The following TBC1D24 variants were observed in gnomAD, a reference collection of about 807,000 sequenced individuals.
The protein encoded by TBC1D24 is TBC1 domain family member 24, also known as Infantile myoclonic epilepsy.
In TBC1D24, 47 loss-of-function variants were observed where a neutral mutation model predicts 50.7. The observed-to-expected ratio is 0.93, with a 90% CI of 0.73 to 1.18. The LOEUF is 1.18. Ranked by LOEUF, TBC1D24 falls within the 50% of genes most tolerant of loss-of-function variation. The pLI is 0.00. For synonymous variants in TBC1D24, 324 were observed against 335.2 expected (o/e 0.97, Z 0.36); for missense variants, 688 against 766.5 (o/e 0.90, Z 1.21).
rs1596956387 is a variant in TBC1D24, at chr16:2,483,763, G to A, written c.-116+8593G>A. The A allele has an allele frequency of 6.5e-6, 1 of 152,998 alleles. No homozygotes were observed. Among genetic ancestry groups the A allele is most frequent in the East Asian group, 1.9e-4 (1 of 5,214 alleles). 9.5% of individuals were successfully genotyped at this position (152,998 alleles called of 1,614,324 possible). A position where few individuals can be genotyped will look rare whatever the true frequency, so the allele number is the denominator to read the frequency against. On this transcript the variant is annotated intron_variant, in intron 1 of 7. Transcript: ENST00000646147. The surrounding 1 kb of genome is among the most constrained non-coding windows in gnomAD (Gnocchi z 4.0). ...CCGGCTGCTGCTCGGCCCAGAGGAG[G>A]AAGGGTACGTTCGGGAGAGGATGAA...
At chr16:2,497,816 G>GCTCTC in intron 3 of TBC1D24, 89 bp downstream of exon 3, 1 of 1,320,846 alleles carries the variant, frequency 7.6e-7, no homozygotes, top group Non-Finnish European at 1.1e-6. Context: ...TCTCAGGGCT[G>GCTCTC]CTCTCGTGGG....
Position 2,496,038 on chromosome 16 carries a change from T to G in TBC1D24, c.-111T>G. On this transcript the variant is annotated 5_prime_UTR_variant, in exon 2 of 8. Coordinates refer to ENST00000646147, the MANE Select transcript of TBC1D24 (RefSeq NM_001199107.2). ...AGTGTTTTTTTAATCCTGCAGGGTGTGAGATGGCAGACAGGTTTGCAGGAA... is the reference window on the plus strand; with the variant it reads ...AGTGTTTTTTTAATCCTGCAGGGTGGGAGATGGCAGACAGGTTTGCAGGAA... The G allele has an allele frequency of 8.7e-6, 12 of 1,383,050 alleles. No individual in the cohort carries two copies. Among genetic ancestry groups the G allele is most frequent in the Non-Finnish European group, 1.2e-5 (12 of 993,318 alleles). 85.7% of individuals were successfully genotyped at this position (1,383,050 alleles called of 1,614,324 possible).
chr16:2,494,386 C>T (rs112913264), intron 1 of TBC1D24, among the ~76,000 whole-genome samples: 9,075 of 149,706 alleles, frequency 0.061, 376 homozygotes, highest in Non-Finnish European at 0.095. Context: ...CACTCCAGCC[C>T]GTGCGACAGT....
intron 1 of TBC1D24, chr16:2,484,589 G>C (rs527967304): frequency 1.3e-5 from 2 of 152,452 alleles, no homozygotes; most frequent in East Asian, 3.9e-4. Flanking sequence ...GCTCTTCCTA[G>C]CTCAGTGCCA....
rs1479691588 is a variant in TBC1D24 at position 2,485,578 on chromosome 16, G to A, written c.-116+10408G>A. 1.3e-5 allele frequency: 2 copies of A among 152,232 alleles called. No homozygotes were observed. Among genetic ancestry groups the A allele is most frequent in the Non-Finnish European group, 2.9e-5 (2 of 68,042 alleles). 9.4% of individuals were successfully genotyped at this position (152,232 alleles called of 1,614,324 possible). A position where few individuals can be genotyped will look rare whatever the true frequency, so the allele number is the denominator to read the frequency against. On this transcript the variant is annotated intron_variant, in intron 1 of 7. Coordinates refer to ENST00000646147, the MANE Select transcript of TBC1D24 (RefSeq NM_001199107.2). This position sits in a 1 kb window ranked among gnomAD's most constrained non-coding sequence, Gnocchi z 4.6. ...CATTGAACCCAAAGCAGGGGTTGTGGGAACCCCAACTTGAAGTTGGTTGCT... is the reference window on the plus strand; with the variant it reads ...CATTGAACCCAAAGCAGGGGTTGTGAGAACCCCAACTTGAAGTTGGTTGCT...
At chr16:2,477,395 A>C (rs1183345307) in intron 1 of TBC1D24, 1 of 152,138 alleles carries the variant, frequency 6.6e-6, no homozygotes, top group Admixed American at 6.6e-5. Flanking sequence ...CAACATAGGG[A>C]GGTCTCGTCT....
chr16:2,491,142 A>G (rs1403778537), intron 1 of TBC1D24, among the ~76,000 whole-genome samples: 2 of 152,214 alleles, frequency 1.3e-5, no homozygotes, highest in African/African-American at 4.8e-5. Context: ...GAATGCAAGA[A>G]AAAGGTTTGG....
Position 2,483,891 on chromosome 16 carries a change from G to C in TBC1D24, c.-116+8721G>C, listed in dbSNP as rs973044868. On this transcript the variant is annotated intron_variant, in intron 1 of 7. Transcript: ENST00000646147. This position sits in a 1 kb window ranked among gnomAD's most constrained non-coding sequence, Gnocchi z 4.0. ...GGCAGATAGCAAGGTAAGGAGGTGT[G>C]GGGGAAGACCAGCGGCTGTGCTCAC... 2 of 152,530 alleles carry C rather than the reference G, an allele frequency of 1.3e-5. No individual in the cohort carries two copies. The highest frequency in any genetic ancestry group is 2.9e-5 in the Non-Finnish European group (2 of 68,226). 9.4% of individuals were successfully genotyped at this position (152,530 alleles called of 1,614,324 possible).
chr16:2,500,950 A>G lies in TBC1D24; in HGVS notation c.1672A>G (p.Thr558Ala). Residue 558 changes from threonine (T) to alanine (A), a missense_variant, in exon 8 of 8, where the codon ACC becomes GCC. By Grantham distance (58) the Thr-to-Ala change is moderately conservative. Transcript: ENST00000646147. This position sits in a 1 kb window ranked among gnomAD's most constrained non-coding sequence, Gnocchi z 8.0. ...VEAWGFQDPD[T>A]Q Reference sequence around the variant, plus strand: ...GGCCTGGGGCTTCCAGGACCCTGACACCCAGTGACGGCCTGTGCCACGGTG... The same window carrying G: ...GGCCTGGGGCTTCCAGGACCCTGACGCCCAGTGACGGCCTGTGCCACGGTG... 1.9e-6 allele frequency: 3 copies of G among 1,610,646 alleles called. No homozygotes were observed. Among genetic ancestry groups the G allele is most frequent in the Non-Finnish European group, 2.5e-6 (3 of 1,179,870 alleles).
rs538299758 is a variant in TBC1D24 at position 2,495,035 on chromosome 16, A to C, written c.-115-999A>C. Among the ~76,000 whole-genome samples, 776 of 144,162 alleles carry C rather than the reference A, an allele frequency of 5.4e-3. 8 individuals are homozygous for C. The highest frequency in any genetic ancestry group is 0.021 in the African/African-American group (745 of 36,188). The allele number at this position is 144,162 out of a possible 152,430, so 94.6% of individuals were successfully genotyped here. A position where few individuals can be genotyped will look rare whatever the true frequency, so the allele number is the denominator to read the frequency against. ...ACACACACACACACACACACACACA[A>C]AATAAATAATAATAATAATAATAAA... On this transcript the variant is annotated intron_variant, in intron 1 of 7. Transcript: ENST00000646147.
intron 1 of TBC1D24, among the ~76,000 whole-genome samples, chr16:2,493,261 C>G (rs1037647000): frequency 6.6e-6 from 1 of 151,814 alleles, no homozygotes; most frequent in Non-Finnish European, 1.5e-5. Flanking sequence ...GCCTCAGCCT[C>G]CCGAGTAGCT....
rs535898103 is a variant in TBC1D24, at chr16:2,492,260, G to A, written c.-115-3774G>A. ...CAAGAAAGAATCCAAGGGCTCCCTC[G>A]GGTCTTTTGCACACATCCTTGGCTC... On this transcript the variant is annotated intron_variant, in intron 1 of 7. Coordinates refer to ENST00000646147, the MANE Select transcript of TBC1D24 (RefSeq NM_001199107.2). Among the ~76,000 whole-genome samples the A allele has an allele frequency of 1.6e-4, 25 of 152,160 alleles. No homozygotes were observed. The South Asian group carries it at 2.9e-3, about 18-fold the overall frequency.
At position 2,498,386 on chromosome 16, in the gene TBC1D24, A is replaced by T; in HGVS notation, c.1132A>T (p.Ser378Cys). ...GTTCTCCTCCCTGCAGCACGGGTAC[A>T]GCCTGGCCAGGTAACACCCCAAGGG... Reference protein sequence around the residue: ...LLFSSLQHGYSLARFYFQCEG... With the variant: ...LLFSSLQHGYCLARFYFQCEG... Residue 378 changes from serine (S) to cysteine (C), a missense_variant, in exon 4 of 8, where the codon AGC becomes TGC. Physicochemically the swap from Ser to Cys is moderately radical, Grantham distance 112. Transcript: ENST00000646147. 1 of 1,605,422 alleles carries T rather than the reference A, an allele frequency of 6.2e-7. No homozygotes were observed. Among genetic ancestry groups the T allele is most frequent in the Non-Finnish European group, 8.5e-7 (1 of 1,176,266 alleles).
In TBC1D24 at chr16:2,500,804, G is replaced by A; in HGVS notation, c.1526G>A (p.Gly509Glu). The part of the protein sequence containing the change: ...MAGGSDCLIV[G>E]GGGGQALYID... ...CGCCACTGACCTGAGCATCCTGCAG[G>A]GGGAGGAGGCGGCCAGGCGCTCTAC... The change falls in exon 8 of 8, where the codon GGG (glycine) becomes GAG (glutamate). Residue 509 changes from glycine to glutamate, a missense_variant and splice_region_variant. Physicochemically the swap from Gly to Glu is moderately conservative, Grantham distance 98. Coordinates refer to ENST00000646147, the MANE Select transcript of TBC1D24 (RefSeq NM_001199107.2). This position sits in a 1 kb window ranked among gnomAD's most constrained non-coding sequence, Gnocchi z 8.0. 1 of 1,603,666 alleles carries A rather than the reference G, an allele frequency of 6.2e-7. No individual in the cohort carries two copies. Among genetic ancestry groups the A allele is most frequent in the Non-Finnish European group, 8.5e-7 (1 of 1,179,478 alleles).
intron 1 of TBC1D24, chr16:2,481,222 A>T (rs887346112): frequency 1.3e-5 from 2 of 152,240 alleles, no homozygotes; most frequent in Admixed American, 1.3e-4. Flanking sequence ...GCACACTGGC[A>T]TTCGGGAAGC....
chr16:2,492,311 C>T (rs1315475359), intron 1 of TBC1D24, among the ~76,000 whole-genome samples: 1 of 152,088 alleles, frequency 6.6e-6, no homozygotes, highest in Non-Finnish European at 1.5e-5. Context: ...TCCAGCACGT[C>T]GCCGGACCAT....
At chr16:2,494,318 A>G (rs1042057176) in intron 1 of TBC1D24, among the ~76,000 whole-genome samples, 3 of 151,936 alleles carry the variant, frequency 2.0e-5, no homozygotes. Context: ...AGGCTGAGGC[A>G]GGAGAATCAC....
chr16:2,489,530 G>A (rs950632200), intron 1 of TBC1D24, among the ~76,000 whole-genome samples: 10 of 152,300 alleles, frequency 6.6e-5, no homozygotes, highest in African/African-American at 1.9e-4. Context: ...TCAAACAGGC[G>A]TGGCGTTTAT....
intron 1 of TBC1D24, chr16:2,478,173 A>G (rs2065583420): frequency 6.6e-6 from 1 of 152,432 alleles, no homozygotes; most frequent in Admixed American, 6.5e-5. Flanking sequence ...AGACTCAGCC[A>G]GGCCCGGGGG....
Sources: gnomAD v4.1 joint callset for allele counts (sites outside exome capture counted in the v4.1 genomes callset) on GRCh38, gnomAD v4.1.1 for gene constraint, Gnocchi (gnomAD v3.1) non-coding constraint, MANE v1.5 for transcripts, NCBI Gene and HGNC (gene_info 2026-07-23, HGNC 2026-07-21) for gene names.